Variants in ANKRD11 observed in about 807,000 individuals in gnomAD.
ANKRD11 encodes ankyrin repeat domain 11.
A neutral mutation model predicts 195.7 loss-of-function variants in ANKRD11; 17 were observed. The ratio of observed to expected loss-of-function variants is 0.09; its 90% CI spans 0.06 to 0.13. The LOEUF (loss-of-function observed/expected upper bound fraction) is 0.13. Ranked by LOEUF, ANKRD11 falls within the 10% of genes least tolerant of loss-of-function variation. ANKRD11 has a pLI of 1.00. For synonymous variants in ANKRD11, 1,953 were observed against 1,528.1 expected (o/e 1.28, Z -6.49); for missense variants, 3,735 against 3,566.1 (o/e 1.05, Z -1.21).
At chr16:89,357,743 C>T (rs2039551788) in intron 2 of ANKRD11, among the ~76,000 whole-genome samples, 1 of 152,216 alleles carries the variant, frequency 6.6e-6, no homozygotes, top group Non-Finnish European at 1.5e-5. Context: ...GGACAAACAG[C>T]AGCTGCACAA....
At chr16:89,456,505 G>A (rs1270071006) in intron 1 of ANKRD11, among the ~76,000 whole-genome samples, 3 of 149,224 alleles carry the variant, frequency 2.0e-5, no homozygotes, top group Admixed American at 6.8e-5. Flanking sequence ...CCGAGATCAC[G>A]CCACTCCAGG....
chr16:89,438,860 C>T (rs1338593637), intron 1 of ANKRD11, among the ~76,000 whole-genome samples: 1 of 151,990 alleles, frequency 6.6e-6, no homozygotes, highest in Non-Finnish European at 1.5e-5. Context: ...TTAAAATAAA[C>T]TAGCCAGGTG....
chr16:89,283,985 T>C lies in ANKRD11; in HGVS notation c.2557A>G (p.Lys853Glu), dbSNP rs779145849. The change falls in exon 9 of 13, where the codon AAA becomes GAA. Residue 853 changes from lysine (K) to glutamate (E), a missense_variant. Coordinates refer to ENST00000301030, the MANE Select transcript of ANKRD11 (RefSeq NM_013275.6). This position sits in a 1 kb window ranked among gnomAD's most constrained non-coding sequence, Gnocchi z 4.3. Reference sequence around the variant, plus strand: ...GGCGAGTCCCAGCTGTCCTCCCCTTTGAAATCAAAGGATGAATCGGACAAG... The same window carrying C: ...GGCGAGTCCCAGCTGTCCTCCCCTTCGAAATCAAAGGATGAATCGGACAAG... ...SDLSDSSFDF[K>E]GEDSWDSPVT... is the part of the protein sequence containing the mutation. 20 of 1,614,184 alleles carry C rather than the reference T, an allele frequency of 1.2e-5. No homozygotes were observed. The highest frequency in any genetic ancestry group is 3.3e-4 in the Middle Eastern group (2 of 6,062).
chr16:89,331,005 G>C (rs1478016465), intron 2 of ANKRD11, among the ~76,000 whole-genome samples: 1 of 152,230 alleles, frequency 6.6e-6, no homozygotes, highest in Non-Finnish European at 1.5e-5. Flanking sequence ...CCAGGCTGGA[G>C]TGCAATGGTG....
chr16:89,284,683 G>A lies in ANKRD11; in HGVS notation c.1859C>T (p.Pro620Leu). The A allele has an allele frequency of 1.9e-6, 3 of 1,613,908 alleles. No homozygotes were observed. The highest frequency in any genetic ancestry group is 1.3e-5 in the African/African-American group (1 of 75,004). ...PFLSSAEGAV[P>L]KLDKEGKVVK... ...AACTTTCCCCTCCTTGTCCAGTTTG[G>A]GGACAGCGCCCTCCGCGCTGGACAG... is the stretch of plus-strand genomic sequence containing the variant. Residue 620 changes from proline (P) to leucine (L), a missense_variant, in exon 9 of 13, where the codon CCC becomes CTC. Pro to Leu is a moderately conservative substitution (Grantham distance 98). Coordinates refer to ENST00000301030, the MANE Select transcript of ANKRD11 (RefSeq NM_013275.6).
chr16:89,316,884 C>A (rs897609259), intron 3 of ANKRD11, 49 bp downstream of exon 3: 7 of 1,594,308 alleles, frequency 4.4e-6, no homozygotes, highest in Non-Finnish European at 2.6e-6. Flanking sequence ...CCCACCTCAT[C>A]CCCATCTGGG....
intron 1 of ANKRD11, among the ~76,000 whole-genome samples, chr16:89,488,287 C>A (rs2057687564): frequency 6.6e-6 from 1 of 152,074 alleles, no homozygotes; most frequent in Non-Finnish European, 1.5e-5. Context: ...CCATCCAGTT[C>A]CATTCAGATG....
intron 2 of ANKRD11, among the ~76,000 whole-genome samples, chr16:89,414,335 G>C (rs545104463): frequency 2.0e-5 from 3 of 152,176 alleles, no homozygotes; most frequent in Admixed American, 6.5e-5. Flanking sequence ...AGCACAAATG[G>C]AACACCCACA....
chr16:89,471,495 T>G (rs192008218), intron 1 of ANKRD11, among the ~76,000 whole-genome samples: 68 of 152,004 alleles, frequency 4.5e-4, no homozygotes, highest in African/African-American at 1.6e-3. Flanking sequence ...TGGAGACACT[T>G]AAGATATGAT....
intron 3 of ANKRD11, among the ~76,000 whole-genome samples, chr16:89,305,690 C>CACCTCCCACTCCGCAGACACGCGCT (rs2036160501): frequency 6.0e-5 from 1 of 16,562 alleles, no homozygotes; most frequent in East Asian, 1.9e-3. Context: ...AGACACGCGC[C>CACCTCCCACTCCGCAGACACGCGCT]ACCTCCCACT....
chr16:89,325,469 TCACACA>T (rs59319003), intron 2 of ANKRD11, among the ~76,000 whole-genome samples: 22 of 147,742 alleles, frequency 1.5e-4, no homozygotes, highest in African/African-American at 4.6e-4. Flanking sequence ...TCTCTCTCTC[TCACACA>T]CACACACACA....
intron 2 of ANKRD11, among the ~76,000 whole-genome samples, chr16:89,341,845 G>A (rs1037705658): frequency 6.7e-6 from 1 of 150,354 alleles, no homozygotes; most frequent in African/African-American, 2.5e-5. Flanking sequence ...CACGGCGGGA[G>A]TGCTGCACCT....
At chr16:89,405,891 C>T (rs2041885734) in intron 2 of ANKRD11, among the ~76,000 whole-genome samples, 1 of 152,114 alleles carries the variant, frequency 6.6e-6, no homozygotes, top group Non-Finnish European at 1.5e-5. Flanking sequence ...CGGCAGATCA[C>T]CTGAGGACAG....
intron 1 of ANKRD11, among the ~76,000 whole-genome samples, chr16:89,461,277 T>A (rs955793025): frequency 6.7e-6 from 1 of 148,254 alleles, no homozygotes; most frequent in South Asian, 2.2e-4. Context: ...GTCGAGGTTA[T>A]GGGGAGAGGG....
chr16:89,395,306 C>T lies in ANKRD11; in HGVS notation c.-60+22978G>A, dbSNP rs186533016. 8.5e-5 allele frequency among the ~76,000 whole-genome samples: 13 copies of T among 152,338 alleles called. No individual in the cohort carries two copies. The East Asian group carries it at 1.4e-3, about 16-fold the overall frequency. ...GAATGGGCTGGACTCTTTCCAGCTCCGTAATCCTGGGAGCAGCGTCGGTGT... is the reference window on the plus strand; with the variant it reads ...GAATGGGCTGGACTCTTTCCAGCTCTGTAATCCTGGGAGCAGCGTCGGTGT... On this transcript the variant is annotated intron_variant, in intron 2 of 12. Coordinates refer to ENST00000301030, the MANE Select transcript of ANKRD11 (RefSeq NM_013275.6).
chr16:89,484,789 G>A (rs1023395086), intron 1 of ANKRD11, among the ~76,000 whole-genome samples: 2 of 152,084 alleles, frequency 1.3e-5, no homozygotes, highest in African/African-American at 2.4e-5. Flanking sequence ...ATTTTCATAT[G>A]GTATAAAAAT....
intron 2 of ANKRD11, among the ~76,000 whole-genome samples, chr16:89,327,997 C>T (rs142547030): frequency 2.0e-5 from 3 of 152,300 alleles, no homozygotes; most frequent in Admixed American, 6.5e-5. Flanking sequence ...AGATAGCAGG[C>T]TTGTATGTAG....
At chr16:89,424,297 C>T (rs1380353625) in intron 1 of ANKRD11, among the ~76,000 whole-genome samples, 1 of 152,028 alleles carries the variant, frequency 6.6e-6, no homozygotes, top group Non-Finnish European at 1.5e-5. Flanking sequence ...CAAAATTAGC[C>T]AGGCGTGGTG....
At chr16:89,452,631 G>C (rs1039589234) in intron 1 of ANKRD11, among the ~76,000 whole-genome samples, 10 of 151,866 alleles carry the variant, frequency 6.6e-5, no homozygotes, top group African/African-American at 2.4e-4. Context: ...ACAAAAATTA[G>C]CCGAGTGTGG....
Sources: gnomAD v4.1 joint callset for allele counts (sites outside exome capture counted in the v4.1 genomes callset) on GRCh38, gnomAD v4.1.1 for gene constraint, Gnocchi (gnomAD v3.1) non-coding constraint, MANE v1.5 for transcripts, NCBI Gene and HGNC (gene_info 2026-07-23, HGNC 2026-07-21) for gene names.